XKR4: variants seen among roughly 807,000 people sequenced by gnomAD.
XKR4 encodes XK related 4, also known as XK-related protein 4.
A neutral mutation model predicts 53.9 loss-of-function variants in XKR4; 12 were observed. That is an observed-to-expected ratio of 0.22 (90% CI 0.14 to 0.36). The LOEUF (loss-of-function observed/expected upper bound fraction) is 0.36, where lower values mean the gene tolerates loss of function less well. Among genes scored for constraint, XKR4 ranks in the 10% least tolerant of loss-of-function variants. The pLI is 1.00. For missense variants in XKR4, 799 were observed against 859.5 expected (o/e 0.93, Z 0.88); for synonymous variants, 354 against 362.4 (o/e 0.98, Z 0.26).
At chr8:55,350,000 T>C (rs1297205993) in intron 1 of XKR4, among the ~76,000 whole-genome samples, 1 of 152,172 alleles carries the variant, frequency 6.6e-6, no homozygotes, top group Non-Finnish European at 1.5e-5. Flanking sequence ...TCCTAAATTT[T>C]ATTCTGTGTG....
chr8:55,289,649 G>GAAAA (rs1563316461), intron 1 of XKR4, among the ~76,000 whole-genome samples: 1 of 99,620 alleles, frequency 1.0e-5, no homozygotes, highest in African/African-American at 3.7e-5. Context: ...AAGAAAGAAA[G>GAAAA]GAAGGAAGGA....
rs1036335810 is a variant in XKR4, at chr8:55,102,050, G to C, written c.-439G>C. Among the ~76,000 whole-genome samples, 7 of 152,100 alleles carry C rather than the reference G, an allele frequency of 4.6e-5. No homozygotes were observed. The highest frequency in any genetic ancestry group is 1.0e-4 in the Non-Finnish European group (7 of 68,006). On this transcript the variant is annotated 5_prime_UTR_variant, in exon 1 of 3. Coordinates refer to ENST00000327381, the MANE Select transcript of XKR4 (RefSeq NM_052898.2). The surrounding 1 kb of genome is among the most constrained non-coding windows in gnomAD (Gnocchi z 5.1). ...GTCATCCTCTCCCTCGGAGTCAGCT[G>C]GTGGAGGAGAGGAAGCGGGAGGAGG... is the stretch of plus-strand genomic sequence containing the variant.
intron 1 of XKR4, among the ~76,000 whole-genome samples, chr8:55,353,256 T>C (rs1295331248): frequency 6.6e-6 from 1 of 152,186 alleles, no homozygotes; most frequent in African/African-American, 2.4e-5. Context: ...TAGAATAAGA[T>C]CTTTGTCATG....
intron 2 of XKR4, among the ~76,000 whole-genome samples, chr8:55,470,030 T>A (rs1805849278): frequency 6.6e-6 from 1 of 152,226 alleles, no homozygotes; most frequent in East Asian, 1.9e-4. Context: ...AAATGGTGCA[T>A]TGTAGACACA....
chr8:55,329,304 A>T (rs1803347738), intron 1 of XKR4, among the ~76,000 whole-genome samples: 2 of 152,148 alleles, frequency 1.3e-5, no homozygotes, highest in Non-Finnish European at 2.9e-5. Context: ...CCACAGCTGC[A>T]TGTAGCCCAG....
intron 1 of XKR4, among the ~76,000 whole-genome samples, chr8:55,337,397 A>G (rs1006977371): frequency 6.6e-5 from 10 of 152,146 alleles, no homozygotes; most frequent in African/African-American, 2.4e-4. Flanking sequence ...TCTGCATGCA[A>G]TTTAATATTT....
At chr8:55,466,497 A>C (rs1805772227) in intron 2 of XKR4, among the ~76,000 whole-genome samples, 2 of 151,962 alleles carry the variant, frequency 1.3e-5, no homozygotes, top group East Asian at 3.9e-4. Context: ...GAGTGGGGGG[A>C]GGGGGAAGGG....
At chr8:55,494,320 G>A (rs1467049314) in intron 2 of XKR4, among the ~76,000 whole-genome samples, 1 of 152,256 alleles carries the variant, frequency 6.6e-6, no homozygotes, top group African/African-American at 2.4e-5. Context: ...GGGAGTCACA[G>A]CCCTGGCTTG....
chr8:55,325,426 G>C (rs893005320), intron 1 of XKR4, among the ~76,000 whole-genome samples: 6 of 152,132 alleles, frequency 3.9e-5, no homozygotes, highest in Non-Finnish European at 8.8e-5. Flanking sequence ...GGGGCAGAAA[G>C]ATGAGTTGTG....
intron 1 of XKR4, among the ~76,000 whole-genome samples, chr8:55,129,053 T>C (rs1816517234): frequency 6.6e-6 from 1 of 152,190 alleles, no homozygotes; most frequent in African/African-American, 2.4e-5. Context: ...CCAGCTGAAT[T>C]TAGAAGACTT....
chr8:55,476,834 G>C (rs541869213), intron 2 of XKR4, among the ~76,000 whole-genome samples: 17 of 152,100 alleles, frequency 1.1e-4, no homozygotes, highest in Admixed American at 2.6e-4. Flanking sequence ...AGATGGTAGC[G>C]AGGCTGGGGG....
At chr8:55,232,558 A>C (rs1585955564) in intron 1 of XKR4, among the ~76,000 whole-genome samples, 1 of 152,202 alleles carries the variant, frequency 6.6e-6, no homozygotes, top group Admixed American at 6.5e-5. Flanking sequence ...GGAAACATCA[A>C]ATTTTTTAAA....
At chr8:55,337,566 C>T (rs973955341) in intron 1 of XKR4, among the ~76,000 whole-genome samples, 1 of 152,004 alleles carries the variant, frequency 6.6e-6, no homozygotes, top group African/African-American at 2.4e-5. Flanking sequence ...GAGGGTATAT[C>T]ATATTAACAA....
chr8:55,414,468 T>C (rs1804817181), intron 2 of XKR4, among the ~76,000 whole-genome samples: 1 of 150,658 alleles, frequency 6.6e-6, no homozygotes, highest in South Asian at 2.1e-4. Flanking sequence ...TCATATGTAA[T>C]AGATTATGAA....
intron 1 of XKR4, among the ~76,000 whole-genome samples, chr8:55,294,459 C>T (rs964066108): frequency 1.3e-5 from 2 of 152,144 alleles, no homozygotes; most frequent in African/African-American, 4.8e-5. Flanking sequence ...ATGGTGTCTT[C>T]CCTGGGCTAA....
intron 2 of XKR4, among the ~76,000 whole-genome samples, chr8:55,448,475 C>G (rs1404715244): frequency 1.3e-5 from 2 of 152,202 alleles, no homozygotes; most frequent in Non-Finnish European, 2.9e-5. Context: ...ATTAATTAAG[C>G]CAAAATCTGC....
chr8:55,166,240 C>A (rs1399990068), intron 1 of XKR4, among the ~76,000 whole-genome samples: 2 of 152,186 alleles, frequency 1.3e-5, no homozygotes, highest in Non-Finnish European at 1.5e-5. Context: ...ATATTCTTTT[C>A]TTTTGCCATG....
intron 1 of XKR4, among the ~76,000 whole-genome samples, chr8:55,181,783 A>G (rs1486357917): frequency 1.3e-5 from 2 of 152,162 alleles, no homozygotes; most frequent in African/African-American, 4.8e-5. Flanking sequence ...AAATACAGCT[A>G]TGGAGCACCG....
chr8:55,350,847 C>T (rs1174034468), intron 1 of XKR4, among the ~76,000 whole-genome samples: 5 of 146,844 alleles, frequency 3.4e-5, no homozygotes, highest in African/African-American at 1.3e-4. Context: ...TCAAGTGATT[C>T]TCCTGCCTCA....
Sources: gnomAD v4.1 joint callset for allele counts (sites outside exome capture counted in the v4.1 genomes callset) on GRCh38, gnomAD v4.1.1 for gene constraint, Gnocchi (gnomAD v3.1) non-coding constraint, MANE v1.5 for transcripts, NCBI Gene and HGNC (gene_info 2026-07-23, HGNC 2026-07-21) for gene names.